The following CAMK1D variants were observed in gnomAD, a reference collection of about 807,000 sequenced individuals.
CAMK1D encodes calcium/calmodulin-dependent protein kinase type 1D.
In CAMK1D, 9 loss-of-function variants were observed where a neutral mutation model predicts 47.7. The ratio of observed to expected loss-of-function variants is 0.19; its 90% CI spans 0.11 to 0.33. The LOEUF (loss-of-function observed/expected upper bound fraction) is 0.33. Among genes scored for constraint, CAMK1D ranks in the 10% least tolerant of loss-of-function variants. The pLI is 1.00. For synonymous variants in CAMK1D, 184 were observed against 184.9 expected (o/e 0.99, Z 0.04); for missense variants, 291 against 488.7 (o/e 0.60, Z 3.81).
chr10:12,749,566 G>C (rs1156435741), intron 3 of CAMK1D, among the ~76,000 whole-genome samples: 1 of 118,814 alleles, frequency 8.4e-6, no homozygotes. Flanking sequence ...TTGTTTGTTT[G>C]TTTGTTTGTT....
chr10:12,528,593 C>T lies in CAMK1D; in HGVS notation c.93-24632C>T, dbSNP rs181360196. On this transcript the variant is annotated intron_variant, in intron 1 of 10. Coordinates refer to ENST00000619168, the MANE Select transcript of CAMK1D (RefSeq NM_153498.4). ...GGTGCTTAGAGCTGGAAGAGACTCCCGGGGTCTAAGCCCACCTCCTGATTT... is the reference window on the plus strand; with the variant it reads ...GGTGCTTAGAGCTGGAAGAGACTCCTGGGGTCTAAGCCCACCTCCTGATTT... Among the ~76,000 whole-genome samples, 299 of 152,206 alleles carry T rather than the reference C, an allele frequency of 2.0e-3. 2 individuals carry two copies. Among genetic ancestry groups the T allele is most frequent in the Middle Eastern group, 6.8e-3 (2 of 294 alleles).
chr10:12,739,595 T>C (rs893204870), intron 3 of CAMK1D, among the ~76,000 whole-genome samples: 5 of 152,030 alleles, frequency 3.3e-5, no homozygotes, highest in African/African-American at 7.3e-5. Flanking sequence ...GGCTGAGATA[T>C]ATGCTTTGAT....
intron 1 of CAMK1D, among the ~76,000 whole-genome samples, chr10:12,368,216 A>AT (rs1372535582): frequency 1.2e-4 from 18 of 146,988 alleles, no homozygotes; most frequent in Admixed American, 8.8e-4. Context: ...AAAAAAAAAT[A>AT]AAATAAAATG....
chr10:12,762,795 G>C (rs1426745527), intron 4 of CAMK1D, among the ~76,000 whole-genome samples: 2 of 152,204 alleles, frequency 1.3e-5, no homozygotes, highest in Admixed American at 6.5e-5. Flanking sequence ...CAGAGGGCTA[G>C]GTAGGGGCTA....
At chr10:12,453,193 CTTTTTTTT>C (rs59619218) in intron 1 of CAMK1D, among the ~76,000 whole-genome samples, 3 of 137,640 alleles carry the variant, frequency 2.2e-5, no homozygotes, top group Non-Finnish European at 4.6e-5. Context: ...TTTCTTTTTT[CTTTTTTTT>C]TTTTTTGAGA....
chr10:12,565,844 C>T (rs1588639026), intron 2 of CAMK1D, among the ~76,000 whole-genome samples: 1 of 151,906 alleles, frequency 6.6e-6, no homozygotes, highest in East Asian at 1.9e-4. Context: ...GTCTGCTGTC[C>T]CTGTGTTCTC....
intron 3 of CAMK1D, among the ~76,000 whole-genome samples, chr10:12,759,998 T>C (rs1243856193): frequency 6.6e-6 from 1 of 152,162 alleles, no homozygotes; most frequent in East Asian, 1.9e-4. Context: ...TTTTGAAAAA[T>C]GTTTCTTTCT....
intron 1 of CAMK1D, among the ~76,000 whole-genome samples, chr10:12,387,564 T>C (rs1588430671): frequency 6.8e-6 from 1 of 146,212 alleles, no homozygotes; most frequent in African/African-American, 2.5e-5. Flanking sequence ...TGGAGTGCAG[T>C]GGTGCAATCT....
At chr10:12,401,066 T>TA (rs1554765520) in intron 1 of CAMK1D, among the ~76,000 whole-genome samples, 5 of 86,640 alleles carry the variant, frequency 5.8e-5, no homozygotes, top group East Asian at 2.6e-4. Context: ...TATATATATT[T>TA]TATATATATA....
chr10:12,688,706 CAG>C lies in CAMK1D; in HGVS notation c.299+21899_299+21900del, dbSNP rs907798033. ...TTTTTATTTTTTATTTTTTTTGTGA[CAG>C]AGTTTCGCTCTTGTCGCCCAGGCTG... On this transcript the variant is annotated intron_variant, in intron 3 of 10. Transcript: ENST00000619168. Among the ~76,000 whole-genome samples, 155 of 151,878 alleles carry C rather than the reference CAG, an allele frequency of 1.0e-3. 1 individual carries two copies. Among genetic ancestry groups the C allele is most frequent in the African/African-American group, 3.7e-3 (152 of 41,418 alleles).
At position 12,349,722 on chromosome 10, in the gene CAMK1D, C is replaced by T. The variant is rs1035496827; in HGVS notation, c.-97C>T. 26 of 259,754 alleles carry T rather than the reference C, an allele frequency of 1.0e-4. No individual in the cohort carries two copies. The highest frequency in any genetic ancestry group is 5.8e-4 in the African/African-American group (25 of 42,910). The allele number at this position is 259,754 out of a possible 1,614,324, so 16.1% of individuals were successfully genotyped here. ...GAGGAAGCTGCGCCGCAGCCCGAGC[C>T]GCCCGGCATCCCCGCCGCCTCTGCG... On this transcript the variant is annotated 5_prime_UTR_variant, in exon 1 of 11. Transcript: ENST00000619168.
At chr10:12,603,258 T>A (rs1342331724) in intron 2 of CAMK1D, among the ~76,000 whole-genome samples, 1 of 152,122 alleles carries the variant, frequency 6.6e-6, no homozygotes, top group Non-Finnish European at 1.5e-5. Flanking sequence ...AAGCTCAGCA[T>A]GTCCGCATTC....
chr10:12,654,993 A>G (rs1840079558), intron 2 of CAMK1D, among the ~76,000 whole-genome samples: 1 of 152,230 alleles, frequency 6.6e-6, no homozygotes. Context: ...AGTTATTAGT[A>G]CATTTGGAAC....
At chr10:12,526,224 A>G (rs1835616585) in intron 1 of CAMK1D, among the ~76,000 whole-genome samples, 1 of 152,230 alleles carries the variant, frequency 6.6e-6, no homozygotes, top group African/African-American at 2.4e-5. Context: ...TAGTGGTAAC[A>G]GTATCAGTTA....
chr10:12,544,801 GTACTAGTGTTGAGTGGATA>G (rs1836308412), intron 1 of CAMK1D, among the ~76,000 whole-genome samples: 3 of 151,446 alleles, frequency 2.0e-5, no homozygotes, highest in Admixed American at 1.3e-4. Flanking sequence ...TGAGTGGATA[GTACTAGTGTTGAGTGGATA>G]GTACTAGTGT....
chr10:12,457,789 A>AT (rs1016735320), intron 1 of CAMK1D, among the ~76,000 whole-genome samples: 1 of 151,888 alleles, frequency 6.6e-6, no homozygotes, highest in African/African-American at 2.4e-5. Context: ...CAAAAAAAAA[A>AT]AAAAAAAAAA....
chr10:12,454,417 C>T (rs1439289747), intron 1 of CAMK1D, among the ~76,000 whole-genome samples: 4 of 152,266 alleles, frequency 2.6e-5, no homozygotes, highest in South Asian at 4.1e-4. Context: ...CTGCCTCGTC[C>T]TCCCAAAGTG....
chr10:12,712,353 G>C (rs1833968373), intron 3 of CAMK1D, among the ~76,000 whole-genome samples: 1 of 152,208 alleles, frequency 6.6e-6, no homozygotes, highest in Non-Finnish European at 1.5e-5. Context: ...ATAATACCAA[G>C]CCAGCCTGCA....
At chr10:12,822,669 A>G (rs1346588976) in intron 8 of CAMK1D, among the ~76,000 whole-genome samples, 2 of 152,218 alleles carry the variant, frequency 1.3e-5, no homozygotes, top group Non-Finnish European at 1.5e-5. Context: ...TTTCTAAGAA[A>G]GAGCTGGCCG....
Sources: allele counts gnomAD v4.1 joint callset (sites outside exome capture counted in the v4.1 genomes callset), GRCh38; gene constraint gnomAD v4.1.1; transcripts MANE v1.5; gene names NCBI Gene and HGNC (gene_info 2026-07-23, HGNC 2026-07-21).